The following CTNNA3 variants were observed in gnomAD, a reference collection of about 807,000 sequenced individuals.
The protein encoded by CTNNA3 is catenin alpha 3.
In CTNNA3, 76 loss-of-function variants were observed where a neutral mutation model predicts 95.7. The ratio of observed to expected loss-of-function variants is 0.79; its 90% CI spans 0.66 to 0.96. The LOEUF is 0.96. CTNNA3 is among the 40% of genes least tolerant of loss of function. CTNNA3 has a pLI of 0.00. For synonymous variants in CTNNA3, 431 were observed against 374.4 expected, an observed-to-expected ratio of 1.15 and a Z score of -1.74; for missense variants, 1,191 against 1,089.8, an observed-to-expected ratio of 1.09 and a Z score of -1.31.
At chr10:66,570,391 C>T (rs774379593) in intron 10 of CTNNA3, among the ~76,000 whole-genome samples, 4 of 152,044 alleles carry the variant, frequency 2.6e-5, no homozygotes, top group Non-Finnish European at 5.9e-5. Context: ...CGGGTTCAAG[C>T]GATTCTCCTA....
intron 10 of CTNNA3, among the ~76,000 whole-genome samples, chr10:66,547,474 CT>C (rs1842075305): frequency 6.6e-6 from 1 of 150,614 alleles, no homozygotes; most frequent in South Asian, 2.1e-4. Context: ...TCCCAAGTAG[CT>C]GGGACTACAG....
At chr10:67,230,847 C>T (rs1482263772) in intron 5 of CTNNA3, among the ~76,000 whole-genome samples, 1 of 152,202 alleles carries the variant, frequency 6.6e-6, no homozygotes, top group Non-Finnish European at 1.5e-5. Context: ...CAGGGTGAGG[C>T]ATTGCCTCAC....
intron 12 of CTNNA3, among the ~76,000 whole-genome samples, chr10:66,329,467 C>T (rs953961990): frequency 2.0e-5 from 3 of 151,818 alleles, no homozygotes; most frequent in African/African-American, 7.3e-5. Flanking sequence ...CTCAAATGAA[C>T]GCATAAAATT....
At position 65,941,831 on chromosome 10, in the gene CTNNA3, T is replaced by C. The variant is rs73306016; in HGVS notation, c.2401-21214A>G. 9.3e-4 allele frequency among the ~76,000 whole-genome samples: 141 copies of C among 152,142 alleles called. 1 individual carries two copies. The highest frequency in any genetic ancestry group is 3.2e-3 in the African/African-American group (134 of 41,518). On this transcript the variant is annotated intron_variant, in intron 17 of 17. Transcript: ENST00000433211. ...AGAGTCCTGAAATCTTTTAAAGATG[T>C]TTACAATTTGCAACAATGGGGAGAA... is the stretch of plus-strand genomic sequence containing the variant.
chr10:66,145,565 T>G (rs1282269513), intron 13 of CTNNA3, among the ~76,000 whole-genome samples: 1 of 152,134 alleles, frequency 6.6e-6, no homozygotes, highest in East Asian at 1.9e-4. Flanking sequence ...AAATAGGTCC[T>G]TCTTGGTGAA....
intron 11 of CTNNA3, among the ~76,000 whole-genome samples, chr10:66,437,888 G>T (rs925769895): frequency 6.6e-6 from 1 of 151,920 alleles, no homozygotes; most frequent in South Asian, 2.1e-4. Flanking sequence ...TTTTGCGTGG[G>T]TGTCCTTTTT....
At chr10:66,643,884 A>G (rs1481737768) in intron 9 of CTNNA3, among the ~76,000 whole-genome samples, 1 of 152,172 alleles carries the variant, frequency 6.6e-6, no homozygotes, top group Non-Finnish European at 1.5e-5. Flanking sequence ...TACACAAAGA[A>G]GAAAGTACAA....
rs79652190 is a variant in CTNNA3 at position 66,293,515 on chromosome 10, A to G, written c.1733-12894T>C. Reference sequence around the variant, plus strand: ...AGAATCTATTCTTAATTTGATAGATATTTAATGGCCTTTAGAAAATTCCAG... The same window carrying G: ...AGAATCTATTCTTAATTTGATAGATGTTTAATGGCCTTTAGAAAATTCCAG... On this transcript the variant is annotated intron_variant, in intron 12 of 17. Coordinates refer to ENST00000433211, the MANE Select transcript of CTNNA3 (RefSeq NM_013266.4). Among the ~76,000 whole-genome samples, 73 of 152,278 alleles carry G rather than the reference A, an allele frequency of 4.8e-4. No homozygotes were observed. The East Asian group carries it at 0.011, about 23-fold the overall frequency.
intron 15 of CTNNA3, among the ~76,000 whole-genome samples, chr10:66,051,325 T>TGAAG (rs555299579): frequency 4.0e-4 from 61 of 152,356 alleles, no homozygotes; most frequent in African/African-American, 1.4e-3. Context: ...AATGCATGCA[T>TGAAG]GAATGAATGA....
intron 15 of CTNNA3, among the ~76,000 whole-genome samples, chr10:66,013,715 C>A (rs959206533): frequency 5.9e-5 from 9 of 152,104 alleles, no homozygotes; most frequent in Admixed American, 4.6e-4. Flanking sequence ...AATTTAGGCA[C>A]CACATTGTCA....
At chr10:66,555,163 C>T (rs1224107304) in intron 10 of CTNNA3, among the ~76,000 whole-genome samples, 1 of 152,070 alleles carries the variant, frequency 6.6e-6, no homozygotes, top group Non-Finnish European at 1.5e-5. Context: ...CATTTTGCTT[C>T]ACTTTTATTC....
intron 7 of CTNNA3, among the ~76,000 whole-genome samples, chr10:66,940,792 A>C (rs1847953665): frequency 6.6e-6 from 1 of 152,224 alleles, no homozygotes; most frequent in Non-Finnish European, 1.5e-5. Context: ...AAACAAAAAA[A>C]AAAACTTATC....
chr10:66,874,453 C>T (rs1215835512), intron 7 of CTNNA3, among the ~76,000 whole-genome samples: 1 of 152,194 alleles, frequency 6.6e-6, no homozygotes. Flanking sequence ...ACAGTACCTA[C>T]TGCAGTACCT....
rs1847842653 is a variant in CTNNA3 at position 66,698,560 on chromosome 10, C to T, written c.1281+67704G>A. Among the ~76,000 whole-genome samples, 3 of 152,172 alleles carry T rather than the reference C, an allele frequency of 2.0e-5. 1 individual carries two copies. The highest frequency in any genetic ancestry group is 2.0e-4 in the Admixed American group (3 of 15,274). ...CCTGCTTAAGATTCATAATCCTCAT[C>T]AGTAACACAAGTGTATCACACTCAC... On this transcript the variant is annotated intron_variant, in intron 9 of 17. Coordinates refer to ENST00000433211, the MANE Select transcript of CTNNA3 (RefSeq NM_013266.4).
At chr10:67,126,316 AAGGAGTTC>A in intron 7 of CTNNA3, among the ~76,000 whole-genome samples, 1 of 152,138 alleles carries the variant, frequency 6.6e-6, no homozygotes, top group East Asian at 1.9e-4. Flanking sequence ...ATCATGAGGT[AAGGAGTTC>A]AAGACCAGCC....
chr10:67,294,303 T>C (rs550030415), intron 5 of CTNNA3, among the ~76,000 whole-genome samples: 86 of 152,192 alleles, frequency 5.7e-4, no homozygotes, highest in African/African-American at 1.9e-3. Flanking sequence ...ACACAAGATA[T>C]AGGTGGGGAA....
intron 1 of CTNNA3, among the ~76,000 whole-genome samples, chr10:67,651,076 AC>A (rs1839866141): frequency 6.6e-6 from 1 of 151,932 alleles, no homozygotes; most frequent in Non-Finnish European, 1.5e-5. Context: ...TGGAAACCTA[AC>A]CATCTGTAAT....
chr10:67,231,872 C>T (rs1393822436), intron 5 of CTNNA3, among the ~76,000 whole-genome samples: 1 of 152,106 alleles, frequency 6.6e-6, no homozygotes, highest in Non-Finnish European at 1.5e-5. Context: ...ATGCAGAAGC[C>T]TCAGGAGCCG....
At chr10:67,170,134 G>A (rs959167395) in intron 7 of CTNNA3, among the ~76,000 whole-genome samples, 2 of 152,180 alleles carry the variant, frequency 1.3e-5, no homozygotes, top group African/African-American at 4.8e-5. Context: ...ATGCTGGCAA[G>A]GTTGCAGAGA....
Sources: allele counts gnomAD v4.1 joint callset (sites outside exome capture counted in the v4.1 genomes callset), GRCh38; gene constraint gnomAD v4.1.1; transcripts MANE v1.5; gene names NCBI Gene and HGNC (gene_info 2026-07-23, HGNC 2026-07-21).